The following CYRIB variants were observed in gnomAD, a reference collection of about 807,000 sequenced individuals.
CYRIB encodes CYFIP related Rac1 interactor B, also known as CYFIP-related Rac1 interactor B.
In CYRIB, 8 loss-of-function variants were observed where a neutral mutation model predicts 44.2. That is an observed-to-expected ratio of 0.18 (90% CI 0.11 to 0.33). CYRIB has a LOEUF of 0.33. Ranked by LOEUF, CYRIB falls within the 10% of genes least tolerant of loss-of-function variation. CYRIB has a pLI of 1.00. For missense variants in CYRIB, 185 were observed against 382.8 expected (o/e 0.48, Z 4.31); for synonymous variants, 131 against 127.2 (o/e 1.03, Z -0.20).
intron 2 of CYRIB, among the ~76,000 whole-genome samples, chr8:129,957,835 G>A (rs1473691017): frequency 1.3e-5 from 2 of 151,918 alleles, no homozygotes; most frequent in Non-Finnish European, 2.9e-5. Context: ...GATAGTGGCG[G>A]GTGCCTATAG....
At chr8:129,977,784 G>A (rs1287509666) in intron 1 of CYRIB, among the ~76,000 whole-genome samples, 4 of 152,114 alleles carry the variant, frequency 2.6e-5, no homozygotes, top group Admixed American at 6.5e-5. Flanking sequence ...TGCCCGCCTT[G>A]GCCTCCCAAA....
At chr8:129,849,662 A>C in intron 9 of CYRIB, 1 of 232,374 alleles carries the variant, frequency 4.3e-6, no homozygotes, top group Non-Finnish European at 8.6e-6. Context: ...TATGCCCCTT[A>C]CTCCACAATG....
intron 5 of CYRIB, among the ~76,000 whole-genome samples, chr8:129,855,990 C>T (rs565251834): frequency 6.6e-6 from 1 of 152,292 alleles, no homozygotes; most frequent in African/African-American, 2.4e-5. Flanking sequence ...GTTTATAATT[C>T]TGTAAACCCA....
intron 2 of CYRIB, among the ~76,000 whole-genome samples, chr8:129,945,393 C>G (rs779939096): frequency 2.0e-5 from 3 of 152,266 alleles, no homozygotes; most frequent in Middle Eastern, 3.4e-3. Context: ...ACAAGTTATT[C>G]AACATCTGAA....
intron 1 of CYRIB, among the ~76,000 whole-genome samples, chr8:129,918,268 GA>G (rs2081761216): frequency 6.6e-6 from 1 of 152,128 alleles, no homozygotes; most frequent in Admixed American, 6.5e-5. Context: ...ACTTTACATA[GA>G]AAAGTGACCA....
chr8:129,933,626 C>G (rs1202552038), intron 1 of CYRIB, among the ~76,000 whole-genome samples: 2 of 151,980 alleles, frequency 1.3e-5, no homozygotes, highest in African/African-American at 4.8e-5. Flanking sequence ...ACCTGTGATC[C>G]CAGCACTTTG....
chr8:129,982,689 A>G (rs2096282751), intron 1 of CYRIB, among the ~76,000 whole-genome samples: 1 of 152,228 alleles, frequency 6.6e-6, no homozygotes, highest in East Asian at 1.9e-4. Flanking sequence ...ATTTCTCTAG[A>G]AGCAACTAAA....
intron 2 of CYRIB, among the ~76,000 whole-genome samples, chr8:129,965,078 A>T (rs368016213): frequency 2.0e-5 from 3 of 152,188 alleles, no homozygotes; most frequent in African/African-American, 7.2e-5. Flanking sequence ...AATGCTCAAT[A>T]AATGTTGGTT....
intron 2 of CYRIB, among the ~76,000 whole-genome samples, chr8:129,895,525 A>G (rs557588118): frequency 6.8e-4 from 104 of 152,078 alleles, no homozygotes; most frequent in Non-Finnish European, 1.3e-3. Flanking sequence ...AAATTCTACA[A>G]AAAAATTCTG....
intron 5 of CYRIB, 41 bp from the exon 8 acceptor site, chr8:129,855,788 C>A: frequency 3.2e-6 from 5 of 1,549,710 alleles, no homozygotes; most frequent in Non-Finnish European, 4.4e-6. Flanking sequence ...TTGTTTGTAT[C>A]TGTGTGATAT....
upstream of CYRIB, among the ~76,000 whole-genome samples, chr8:129,943,476 TC>T (rs2093886955): frequency 6.6e-6 from 1 of 150,404 alleles, no homozygotes; most frequent in Non-Finnish European, 1.5e-5. Flanking sequence ...GCCTCTGTAA[TC>T]CCAGCTACTT....
intron 2 of CYRIB, among the ~76,000 whole-genome samples, chr8:129,969,915 A>G (rs1482756408): frequency 6.6e-6 from 1 of 152,188 alleles, no homozygotes; most frequent in African/African-American, 2.4e-5. Flanking sequence ...ACACTATTTA[A>G]AGTGGTGTTT....
chr8:129,881,758 G>A, intron 2 of CYRIB, among the ~76,000 whole-genome samples: 1 of 152,124 alleles, frequency 6.6e-6, no homozygotes, highest in East Asian at 1.9e-4. Flanking sequence ...AATTTCAATG[G>A]TCTGATTTTG....
intron 2 of CYRIB, among the ~76,000 whole-genome samples, chr8:129,881,338 T>A (rs1291914565): frequency 6.6e-6 from 1 of 152,174 alleles, no homozygotes; most frequent in African/African-American, 2.4e-5. Flanking sequence ...TTCCTCCAAT[T>A]GCTATGTGTT....
intron 1 of CYRIB, among the ~76,000 whole-genome samples, chr8:129,923,754 C>G (rs144368752): frequency 6.6e-6 from 1 of 151,516 alleles, no homozygotes; most frequent in Non-Finnish European, 1.5e-5. Context: ...TCCCTACCTC[C>G]GTTTAGTATT....
At chr8:129,939,251 G>A (rs1185725216) in intron 1 of CYRIB, among the ~76,000 whole-genome samples, 2 of 149,938 alleles carry the variant, frequency 1.3e-5, no homozygotes, top group Admixed American at 6.6e-5. Context: ...GGGGAGGGGG[G>A]ACAACGCCGA....
chr8:130,014,504 C>T (rs2097297825), intron 1 of CYRIB, among the ~76,000 whole-genome samples: 1 of 152,178 alleles, frequency 6.6e-6, no homozygotes, highest in South Asian at 2.1e-4. Context: ...TCTGCACTGT[C>T]TCTTAAAAAT....
At chr8:129,953,166 T>C (rs538175493) in intron 2 of CYRIB, among the ~76,000 whole-genome samples, 3 of 152,226 alleles carry the variant, frequency 2.0e-5, no homozygotes, top group African/African-American at 7.2e-5. Context: ...CTTACTCCAA[T>C]ACAAAGCAAC....
chr8:129,858,700 G>A (rs945792699), intron 5 of CYRIB, among the ~76,000 whole-genome samples: 7 of 134,084 alleles, frequency 5.2e-5, no homozygotes, highest in African/African-American at 1.5e-4. Flanking sequence ...CCAGTGAAAC[G>A]AAGCTAACAT....
Sources: allele counts gnomAD v4.1 joint callset (sites outside exome capture counted in the v4.1 genomes callset), GRCh38; gene constraint gnomAD v4.1.1; transcripts MANE v1.5; gene names NCBI Gene and HGNC (gene_info 2026-07-23, HGNC 2026-07-21).